Variants in BRD10 observed in about 807,000 individuals in gnomAD.
The protein encoded by BRD10 is uncharacterized bromodomain-containing protein 10.
chr9:5,921,791 C>A, the BRD10 span: 1 of 1,613,934 alleles, frequency 6.2e-7, no homozygotes, highest in Non-Finnish European at 8.5e-7. Flanking sequence ...AGTACTAGAA[C>A]AAATAGAGGA....
the BRD10 span, among the ~76,000 whole-genome samples, chr9:5,911,402 T>C: frequency 0.022 from 3,042 of 139,014 alleles, 106 homozygotes; most frequent in African/African-American, 0.077. Flanking sequence ...TTGGTCTATG[T>C]GTGTTTTTTT....
At chr9:5,916,114 A>G in the BRD10 span, among the ~76,000 whole-genome samples, 23 of 152,324 alleles carry the variant, frequency 1.5e-4, no homozygotes, top group African/African-American at 5.5e-4. Flanking sequence ...GTGTAAGAAT[A>G]ACTGGGGCAG....
chr9:5,952,252 C>G, the BRD10 span, among the ~76,000 whole-genome samples: 918 of 152,062 alleles, frequency 6.0e-3, 12 homozygotes, highest in African/African-American at 0.021. Context: ...AACTCCTGAC[C>G]TCAGGTGATC....
the BRD10 span, among the ~76,000 whole-genome samples, chr9:5,965,562 G>A: frequency 9.2e-5 from 14 of 152,138 alleles, no homozygotes; most frequent in Non-Finnish European, 1.8e-4. Flanking sequence ...TTGATTACAG[G>A]AGTAATTCCC....
the BRD10 span, among the ~76,000 whole-genome samples, chr9:5,940,494 A>C: frequency 6.6e-6 from 1 of 152,160 alleles, no homozygotes; most frequent in Admixed American, 6.5e-5. Flanking sequence ...CGCCTGGCCT[A>C]TTGTGTATGT....
chr9:6,007,633 T>C, the BRD10 span: 20 of 1,602,378 alleles, frequency 1.2e-5, no homozygotes, highest in Non-Finnish European at 1.5e-5. Flanking sequence ...ATCGTCCGCG[T>C]CCTCCAGCGA....
chr9:5,995,102 T>A, the BRD10 span, among the ~76,000 whole-genome samples: 2 of 152,158 alleles, frequency 1.3e-5, no homozygotes, highest in Admixed American at 1.3e-4. Flanking sequence ...GGTTTCTCCA[T>A]GTTGGTCAGG....
At chr9:5,908,320 A>G in the BRD10 span, among the ~76,000 whole-genome samples, 1 of 152,228 alleles carries the variant, frequency 6.6e-6, no homozygotes, top group African/African-American at 2.4e-5. Context: ...GATGCAATGT[A>G]TATGGTGTCT....
At chr9:5,955,711 T>A in the BRD10 span, among the ~76,000 whole-genome samples, 1 of 152,148 alleles carries the variant, frequency 6.6e-6, no homozygotes, top group Non-Finnish European at 1.5e-5. Flanking sequence ...TGACATCTGC[T>A]TTCAATTAAA....
chr9:5,975,190 C>CT, the BRD10 span, among the ~76,000 whole-genome samples: 1 of 151,316 alleles, frequency 6.6e-6, no homozygotes, highest in Non-Finnish European at 1.5e-5. Flanking sequence ...AATCCCAGCA[C>CT]TTTGGGAGGC....
At chr9:5,892,489 T>G in the BRD10 span, 2 of 1,613,780 alleles carry the variant, frequency 1.2e-6, no homozygotes, top group Non-Finnish European at 1.7e-6. Context: ...CAAGAGAAGA[T>G]GCTCACTTCA....
the BRD10 span, among the ~76,000 whole-genome samples, chr9:5,997,264 T>C: frequency 5.3e-5 from 8 of 152,344 alleles, no homozygotes; most frequent in African/African-American, 1.9e-4. Flanking sequence ...CTTTTCATCT[T>C]TCACTTCATG....
chr9:5,932,649 T>G, the BRD10 span, among the ~76,000 whole-genome samples: 1 of 152,160 alleles, frequency 6.6e-6, no homozygotes, highest in Non-Finnish European at 1.5e-5. Flanking sequence ...GATTTTGGTA[T>G]GAAGGTGGGG....
chr9:5,899,673 T>C, the BRD10 span, among the ~76,000 whole-genome samples: 1 of 152,216 alleles, frequency 6.6e-6, no homozygotes, highest in Non-Finnish European at 1.5e-5. Context: ...CATTTGTAAC[T>C]CTAGCATGGG....
the BRD10 span, among the ~76,000 whole-genome samples, chr9:5,985,513 C>T: frequency 3.9e-5 from 6 of 152,162 alleles, no homozygotes; most frequent in Admixed American, 1.3e-4. Flanking sequence ...TGGCTGGGCA[C>T]GGTGGCTCAC....
At chr9:5,969,891 AT>A in the BRD10 span, among the ~76,000 whole-genome samples, 4 of 152,026 alleles carry the variant, frequency 2.6e-5, no homozygotes, top group African/African-American at 9.7e-5. Flanking sequence ...TAACAGTACC[AT>A]TTTGCTTTTT....
chr9:5,970,980 A>G, the BRD10 span, among the ~76,000 whole-genome samples: 1 of 134,888 alleles, frequency 7.4e-6, no homozygotes, highest in Non-Finnish European at 1.5e-5. Context: ...TGAATCTGGG[A>G]GGCAGCGGTT....
chr9:5,889,878 A>T, the BRD10 span, among the ~76,000 whole-genome samples: 15 of 152,212 alleles, frequency 9.9e-5, no homozygotes, highest in African/African-American at 3.6e-4. Context: ...TTGATGTCTA[A>T]GTAGGTCATA....
At chr9:5,922,268 T>C in the BRD10 span, 8 of 1,613,840 alleles carry the variant, frequency 5.0e-6, no homozygotes, top group South Asian at 1.1e-5. Context: ...TGTAGACCCA[T>C]TTAGTGTTGT....
Sources: allele counts gnomAD v4.1 joint callset (sites outside exome capture counted in the v4.1 genomes callset), GRCh38; gene constraint gnomAD v4.1.1; transcripts MANE v1.5; gene names NCBI Gene and HGNC (gene_info 2026-07-23, HGNC 2026-07-21).